ADAM12: variants seen among roughly 807,000 people sequenced by gnomAD.
The protein encoded by ADAM12 is ADAM metallopeptidase domain 12.
A neutral mutation model predicts 106.4 loss-of-function variants in ADAM12; 70 were observed. The ratio of observed to expected loss-of-function variants is 0.66; its 90% confidence interval spans 0.54 to 0.80. The LOEUF (loss-of-function observed/expected upper bound fraction) is 0.80. Among genes scored for constraint, ADAM12 ranks in the 30% least tolerant of loss-of-function variants. The pLI, the probability that ADAM12 is intolerant of heterozygous loss-of-function variation, is 0.00. For synonymous variants in ADAM12, 420 were observed against 433.5 expected (o/e 0.97, Z 0.39); for missense variants, 1,010 against 1,171.9 (o/e 0.86, Z 2.02).
intron 4 of ADAM12, among the ~76,000 whole-genome samples, chr10:126,136,990 T>C (rs1956417061): frequency 6.6e-6 from 1 of 152,222 alleles, no homozygotes; most frequent in Non-Finnish European, 1.5e-5. Flanking sequence ...GCTCTCTTCA[T>C]GCATTTTTTG....
At chr10:126,198,071 G>T (rs2133814980) in intron 3 of ADAM12, among the ~76,000 whole-genome samples, 1 of 152,342 alleles carries the variant, frequency 6.6e-6, no homozygotes, top group African/African-American at 2.4e-5. Context: ...ATGCAAACCA[G>T]GTATCTCCTC....
chr10:126,233,025 C>T (rs1011442188), intron 3 of ADAM12, among the ~76,000 whole-genome samples: 5 of 152,014 alleles, frequency 3.3e-5, no homozygotes, highest in East Asian at 1.9e-4. Flanking sequence ...GCGTGGAAGA[C>T]GTCCAGGCAG....
intron 2 of ADAM12, among the ~76,000 whole-genome samples, chr10:126,315,227 G>A (rs112985804): frequency 1.3e-5 from 2 of 152,150 alleles, no homozygotes; most frequent in African/African-American, 2.4e-5. Context: ...TGTTGTCTTC[G>A]AGGGTATTTA....
At chr10:126,350,901 C>T (rs1590813872) in intron 1 of ADAM12, among the ~76,000 whole-genome samples, 1 of 152,106 alleles carries the variant, frequency 6.6e-6, no homozygotes, top group African/African-American at 2.4e-5. Flanking sequence ...ATCCTGTGAC[C>T]TGAACTGCTG....
At chr10:126,087,483 T>C (rs1955380897) in intron 11 of ADAM12, among the ~76,000 whole-genome samples, 1 of 152,142 alleles carries the variant, frequency 6.6e-6, no homozygotes, top group African/African-American at 2.4e-5. Context: ...TGTTCCTCCT[T>C]TTTTCTCTCT....
intron 3 of ADAM12, among the ~76,000 whole-genome samples, chr10:126,229,096 C>A (rs1958256928): frequency 6.6e-6 from 1 of 152,170 alleles, no homozygotes; most frequent in African/African-American, 2.4e-5. Context: ...CTGCAGGGAG[C>A]CTGGGGATTT....
intron 3 of ADAM12, among the ~76,000 whole-genome samples, chr10:126,268,498 A>G (rs1959145806): frequency 6.6e-6 from 1 of 152,228 alleles, no homozygotes; most frequent in Non-Finnish European, 1.5e-5. Context: ...GATGCTACCT[A>G]TGATGAGGAA....
In ADAM12 at chr10:126,192,270, T is replaced by C. The variant is rs568082744; in HGVS notation, c.261-36965A>G. On this transcript the variant is annotated intron_variant, in intron 3 of 22. Transcript: ENST00000448723. ...CTTATGAGAACTGCATGAGTTAATA[T>C]ACATACATAAAATGTGTAGAATAGT... Among the ~76,000 whole-genome samples the C allele has an allele frequency of 7.4e-4, 112 of 152,336 alleles. 1 individual carries two copies. The highest frequency in any genetic ancestry group is 6.8e-3 in the Middle Eastern group (2 of 294).
At chr10:126,260,636 G>A (rs1958983316) in intron 3 of ADAM12, among the ~76,000 whole-genome samples, 1 of 152,214 alleles carries the variant, frequency 6.6e-6, no homozygotes, top group Admixed American at 6.5e-5. Context: ...CTGTGAAGAA[G>A]GTAATGTGAA....
intron 2 of ADAM12, among the ~76,000 whole-genome samples, chr10:126,298,879 TA>T (rs1276067036): frequency 6.6e-6 from 1 of 152,208 alleles, no homozygotes; most frequent in Non-Finnish European, 1.5e-5. Context: ...TCTGTATGAT[TA>T]AAATTGAAAA....
chr10:126,291,360 C>T lies in ADAM12; in HGVS notation c.187-12372G>A, dbSNP rs187546452. On this transcript the variant is annotated intron_variant, in intron 2 of 22. Transcript: ENST00000448723. ...GCCCTTTAAAGAGTAATCCTGCTAT[C>T]GATCACAGAGGCACCGCAAGTCACT... 9.2e-5 allele frequency among the ~76,000 whole-genome samples: 14 copies of T among 152,322 alleles called. No homozygotes were observed. The East Asian group carries it at 2.7e-3, about 29-fold the overall frequency.
rs11299278 is a variant in ADAM12 at position 126,381,974 on chromosome 10, C to CA, written c.88+6083dup. Among the ~76,000 whole-genome samples, 1,026 of 139,162 alleles carry CA rather than the reference C, an allele frequency of 7.4e-3. 8 individuals are homozygous for CA. The highest frequency in any genetic ancestry group is 8.8e-3 in the African/African-American group (331 of 37,440). The allele number at this position is 139,162 out of a possible 152,430, so 91.3% of individuals were successfully genotyped here. A position where few individuals can be genotyped will look rare whatever the true frequency, so the allele number is the denominator to read the frequency against. On this transcript the variant is annotated intron_variant, in intron 1 of 22. Transcript: ENST00000448723. ...TGGGTGACAATGCAAGACCCTGTCT[C>CA]AAAAAAAAAAAAACAATAATAATAA...
intron 4 of ADAM12, among the ~76,000 whole-genome samples, chr10:126,136,841 T>C (rs1423684231): frequency 6.6e-6 from 1 of 152,206 alleles, no homozygotes. Context: ...TTGAGCTTTT[T>C]CATATTAATT....
chr10:126,134,921 A>G (rs1323949199), intron 5 of ADAM12, among the ~76,000 whole-genome samples: 1 of 113,326 alleles, frequency 8.8e-6, no homozygotes, highest in Non-Finnish European at 2.1e-5. Context: ...AAATCCAGTA[A>G]AAAGGCTGAA....
chr10:126,242,359 G>A (rs1309203249), intron 3 of ADAM12, among the ~76,000 whole-genome samples: 2 of 152,146 alleles, frequency 1.3e-5, no homozygotes, highest in African/African-American at 4.8e-5. Flanking sequence ...TACCAGCAGG[G>A]AATAGAATTG....
intron 3 of ADAM12, among the ~76,000 whole-genome samples, chr10:126,174,314 T>C (rs1290501955): frequency 6.6e-6 from 1 of 151,978 alleles, no homozygotes. Flanking sequence ...ATATTTCCTA[T>C]AAGCAGATAT....
chr10:126,372,981 G>T (rs1254458869), intron 1 of ADAM12, among the ~76,000 whole-genome samples: 1 of 152,224 alleles, frequency 6.6e-6, no homozygotes, highest in African/African-American at 2.4e-5. Flanking sequence ...TGGAAGTAAA[G>T]CTTAGTGAAT....
At chr10:126,281,751 A>G (rs1185490820) in intron 2 of ADAM12, among the ~76,000 whole-genome samples, 1 of 152,160 alleles carries the variant, frequency 6.6e-6, no homozygotes, top group Non-Finnish European at 1.5e-5. Flanking sequence ...TATATTGATT[A>G]CCCTAATGGA....
At chr10:126,182,762 G>A (rs1439450402) in intron 3 of ADAM12, among the ~76,000 whole-genome samples, 5 of 152,196 alleles carry the variant, frequency 3.3e-5, no homozygotes, top group Non-Finnish European at 4.4e-5. Flanking sequence ...CGTCCCTAGC[G>A]TCTCTTCTAC....
Sources: allele counts gnomAD v4.1 joint callset (sites outside exome capture counted in the v4.1 genomes callset), GRCh38; gene constraint gnomAD v4.1.1; transcripts MANE v1.5; gene names NCBI Gene and HGNC (gene_info 2026-07-23, HGNC 2026-07-21).